The following GRIK4 variants were observed in gnomAD, a reference collection of about 807,000 sequenced individuals.
The protein encoded by GRIK4 is glutamate ionotropic receptor kainate type subunit 4.
In GRIK4, 40 loss-of-function variants were observed where a neutral mutation model predicts 104.9. That is an observed-to-expected ratio of 0.38 (90% CI 0.30 to 0.50). The LOEUF is 0.50. GRIK4 is among the 20% of genes least tolerant of loss of function. GRIK4 has a pLI of 0.93. For synonymous variants in GRIK4, 485 were observed against 524.9 expected (o/e 0.92, Z 1.04); for missense variants, 1,047 against 1,308.1 (o/e 0.80, Z 3.08).
At chr11:120,657,632 T>C (rs950507415) in intron 2 of GRIK4, among the ~76,000 whole-genome samples, 2 of 152,184 alleles carry the variant, frequency 1.3e-5, no homozygotes, top group Non-Finnish European at 2.9e-5. Flanking sequence ...GCAGGAAAAG[T>C]GCTGCTCTCA....
At chr11:120,927,565 C>CAAAAAAA (rs56223442) in intron 13 of GRIK4, among the ~76,000 whole-genome samples, 1 of 101,594 alleles carries the variant, frequency 9.8e-6, no homozygotes, top group African/African-American at 3.9e-5. Context: ...GACTCTGTCT[C>CAAAAAAA]AAAAAAAAAA....
At chr11:120,563,026 A>C (rs1334343246) in intron 1 of GRIK4, among the ~76,000 whole-genome samples, 1 of 152,196 alleles carries the variant, frequency 6.6e-6, no homozygotes. Context: ...TCAGTCATGC[A>C]GGCTGGCACC....
intron 13 of GRIK4, among the ~76,000 whole-genome samples, chr11:120,911,348 C>A (rs1400593842): frequency 6.7e-6 from 1 of 150,138 alleles, no homozygotes; most frequent in Admixed American, 6.6e-5. Context: ...ACGCCATTCT[C>A]CTGCCTCAGC....
intron 3 of GRIK4, among the ~76,000 whole-genome samples, chr11:120,661,600 TG>T (rs1949817890): frequency 6.6e-6 from 1 of 152,228 alleles, no homozygotes; most frequent in Non-Finnish European, 1.5e-5. Context: ...GTCGGTGTGC[TG>T]GTGATGGTCA....
At chr11:120,619,660 C>T (rs879803156) in intron 1 of GRIK4, among the ~76,000 whole-genome samples, 14 of 152,102 alleles carry the variant, frequency 9.2e-5, no homozygotes, top group Admixed American at 7.9e-4. Flanking sequence ...AGTGAGTTCC[C>T]ATGAGATCTG....
chr11:120,772,903 T>G (rs1235955187), intron 3 of GRIK4, among the ~76,000 whole-genome samples: 1 of 152,152 alleles, frequency 6.6e-6, no homozygotes, highest in Non-Finnish European at 1.5e-5. Context: ...ATTAAATATT[T>G]ATTGAATCCT....
intron 6 of GRIK4, among the ~76,000 whole-genome samples, chr11:120,823,645 G>A (rs1161337308): frequency 6.6e-6 from 1 of 152,204 alleles, no homozygotes; most frequent in Non-Finnish European, 1.5e-5. Context: ...GCAGTGGTTC[G>A]AGGGTGGGCT....
chr11:120,599,159 C>T (rs974192492), intron 1 of GRIK4, among the ~76,000 whole-genome samples: 8 of 152,362 alleles, frequency 5.3e-5, no homozygotes, highest in African/African-American at 1.9e-4. Flanking sequence ...AGACAGATGC[C>T]TCATTTTGTT....
chr11:120,536,270 G>A lies in GRIK4; in HGVS notation c.-159+24383G>A, dbSNP rs546870046. On this transcript the variant is annotated intron_variant, in intron 1 of 20. Coordinates refer to ENST00000527524, the MANE Select transcript of GRIK4 (RefSeq NM_014619.5). Reference sequence around the variant, plus strand: ...CTCTGAGAACACAAAAGAGGAGCTCGCGGGGCTGGCAGCAGTTCCTGAAGG... The same window carrying A: ...CTCTGAGAACACAAAAGAGGAGCTCACGGGGCTGGCAGCAGTTCCTGAAGG... Among the ~76,000 whole-genome samples the A allele has an allele frequency of 1.4e-4, 22 of 152,350 alleles. No individual in the cohort carries two copies. In the South Asian group the frequency reaches 3.7e-3, roughly 26 times the overall value.
chr11:120,800,646 G>T (rs1360408683), intron 3 of GRIK4, among the ~76,000 whole-genome samples: 1 of 152,196 alleles, frequency 6.6e-6, no homozygotes, highest in Non-Finnish European at 1.5e-5. Flanking sequence ...TGGCCAACCT[G>T]AGTAAATGAC....
intron 4 of GRIK4, among the ~76,000 whole-genome samples, chr11:120,811,503 A>C (rs1952828007): frequency 6.6e-6 from 1 of 152,186 alleles, no homozygotes; most frequent in African/African-American, 2.4e-5. Context: ...TGACAGTAAT[A>C]GTACCTATTT....
chr11:120,684,245 C>T (rs1181984267), intron 3 of GRIK4, among the ~76,000 whole-genome samples: 1 of 152,150 alleles, frequency 6.6e-6, no homozygotes, highest in Non-Finnish European at 1.5e-5. Context: ...ATCACTTGAG[C>T]CTGGGAGATT....
intron 3 of GRIK4, among the ~76,000 whole-genome samples, chr11:120,734,156 A>G (rs1228881937): frequency 6.6e-6 from 1 of 151,926 alleles, no homozygotes; most frequent in Non-Finnish European, 1.5e-5. Context: ...ATGATTTCTT[A>G]TTGCTCATTA....
chr11:120,646,510 T>C (rs549897405), intron 1 of GRIK4, among the ~76,000 whole-genome samples: 1 of 152,316 alleles, frequency 6.6e-6, no homozygotes, highest in East Asian at 1.9e-4. Flanking sequence ...CTTGCCATCC[T>C]AATTATTTTT....
chr11:120,785,593 C>T (rs2135482207), intron 3 of GRIK4, among the ~76,000 whole-genome samples: 2 of 152,288 alleles, frequency 1.3e-5, no homozygotes. Flanking sequence ...AAAGGTGAAC[C>T]TTGTGAAAGT....
intron 11 of GRIK4, among the ~76,000 whole-genome samples, chr11:120,876,694 A>G (rs1182271352): frequency 3.9e-5 from 6 of 152,184 alleles, no homozygotes; most frequent in Admixed American, 3.9e-4. Context: ...CAGTAATGAC[A>G]GAGCTGGTTT....
intron 18 of GRIK4, among the ~76,000 whole-genome samples, chr11:120,963,499 C>T (rs1271074032): frequency 2.0e-5 from 3 of 152,144 alleles, no homozygotes; most frequent in Non-Finnish European, 4.4e-5. Context: ...TGCCCCTTCA[C>T]ACACACACCA....
intron 1 of GRIK4, among the ~76,000 whole-genome samples, chr11:120,554,554 T>C (rs1333240265): frequency 1.3e-5 from 2 of 151,258 alleles, no homozygotes; most frequent in Non-Finnish European, 2.9e-5. Context: ...TCTTTTTTTC[T>C]TTTTCTTTTT....
intron 1 of GRIK4, among the ~76,000 whole-genome samples, chr11:120,530,633 G>A (rs532373034): frequency 1.3e-3 from 191 of 152,300 alleles, no homozygotes; most frequent in African/African-American, 4.4e-3. Context: ...GGTTCCAGAC[G>A]GAAGCCTCTG....
Sources: allele counts gnomAD v4.1 joint callset (sites outside exome capture counted in the v4.1 genomes callset), GRCh38; gene constraint gnomAD v4.1.1; transcripts MANE v1.5; gene names NCBI Gene and HGNC (gene_info 2026-07-23, HGNC 2026-07-21).